The following RHPN1 variants were observed in gnomAD, a reference collection of about 807,000 sequenced individuals.
The protein encoded by RHPN1 is rhophilin Rho GTPase binding protein 1, also known as rhophilin-1.
A neutral mutation model predicts 74.7 loss-of-function variants in RHPN1; 77 were observed. The ratio of observed to expected loss-of-function variants is 1.03; its 90% CI spans 0.86 to 1.25. The LOEUF is 1.25. Among genes scored for constraint, RHPN1 ranks in the 50% most tolerant of loss-of-function variants. RHPN1 has a pLI of 0.00. For synonymous variants in RHPN1, 444 were observed against 414.5 expected (o/e 1.07, Z -0.87); for missense variants, 987 against 932.2 (o/e 1.06, Z -0.77).
At chr8:143,377,149 TG>T (rs1818332401) in intron 3 of RHPN1, among the ~76,000 whole-genome samples, 1 of 152,118 alleles carries the variant, frequency 6.6e-6, no homozygotes, top group Non-Finnish European at 1.5e-5. Context: ...TTTGTGTGTG[TG>T]TGTGCGCGCG....
chr8:143,378,759 C>A lies in RHPN1; in HGVS notation c.523C>A (p.Leu175Met). The change falls in exon 6 of 15, where the codon CTG (leucine) becomes ATG (methionine). Residue 175 changes from leucine to methionine, a missense_variant. Transcript: ENST00000289013. ...LELLTAYYNQLCFLDARFLTP... is the reference protein window; with the variant it reads ...LELLTAYYNQMCFLDARFLTP... ...GCTGCTCACAGCCTATTACAACCAG[C>A]TGTGCTTCCTGGATGCGCGCTTCCT... 6.3e-7 allele frequency: 1 copy of A among 1,582,444 alleles called. No individual in the cohort carries two copies. Among genetic ancestry groups the A allele is most frequent in the East Asian group, 2.3e-5 (1 of 42,976 alleles).
chr8:143,381,391 C>T (rs776457468), intron 12 of RHPN1, 47 bp downstream of exon 12: 2 of 1,542,544 alleles, frequency 1.3e-6, no homozygotes, highest in Non-Finnish European at 1.8e-6. Context: ...GCAGCTTGGG[C>T]TGTGTGGCTC....
chr8:143,382,614 C>G lies in RHPN1; in HGVS notation c.1976C>G (p.Ala659Gly). ...CPQPCAPVKP[A>G]PPSSLKHPGW... The stretch of plus-strand genomic sequence containing the variant: ...CAGCCCTGTGCCCCAGTGAAGCCAG[C>G]TCCGCCCTCATCCTTGAAGCACCCA... The change falls in exon 15 of 15, where the codon GCT becomes GGT. Residue 659 changes from alanine (A) to glycine (G), a missense_variant. Coordinates refer to ENST00000289013, the MANE Select transcript of RHPN1 (RefSeq NM_052924.3). 1 of 1,610,790 alleles carries G rather than the reference C, an allele frequency of 6.2e-7. No homozygotes were observed. The highest frequency in any genetic ancestry group is 8.5e-7 in the Non-Finnish European group (1 of 1,179,726).
In RHPN1 at chr8:143,381,259, C is replaced by T. The variant is rs370052082; in HGVS notation, c.1412-9C>T. ...CTCCCAGCTTAGCTCTGCTCTTACA[C>T]CCTCTCAGCTAAGACCCACCAGAAG... is the stretch of plus-strand genomic sequence containing the variant. On this transcript the variant is annotated splice_polypyrimidine_tract_variant and intron_variant, in intron 11 of 14. Transcript: ENST00000289013. 9 of 1,610,920 alleles carry T rather than the reference C, an allele frequency of 5.6e-6. No individual in the cohort carries two copies. In the African/African-American group the frequency reaches 1.1e-4, roughly 19 times the overall value.
intron 13 of RHPN1, 42 bp downstream of exon 13, chr8:143,381,760 C>T: frequency 1.9e-6 from 3 of 1,605,550 alleles, no homozygotes; most frequent in Non-Finnish European, 2.5e-6. Context: ...TCCTTGGTGC[C>T]AGCCAGGGTG....
intron 1 of RHPN1, 43 bp downstream of exon 1, chr8:143,369,090 C>A: frequency 1.4e-6 from 2 of 1,421,384 alleles, no homozygotes; most frequent in Non-Finnish European, 1.8e-6. Flanking sequence ...GGCCCGGAAT[C>A]CCGGCCTTTT....
At chr8:143,378,158 G>A (rs542444807) in intron 4 of RHPN1, 111 bp from the exon 5 acceptor site, 166 of 917,866 alleles carry the variant, frequency 1.8e-4, no homozygotes, top group Admixed American at 5.8e-4. Context: ...CCTGCTCTGC[G>A]GCACAGACCC....
At chr8:143,375,502 T>C in intron 1 of RHPN1, 51 bp from the exon 2 acceptor site, 1 of 1,340,134 alleles carries the variant, frequency 7.5e-7, no homozygotes, top group Admixed American at 2.4e-5. Context: ...AGGCGCAGCC[T>C]GGTGCGGGCG....
chr8:143,382,718 C>G lies in RHPN1; in HGVS notation c.*67C>G. On this transcript the variant is annotated 3_prime_UTR_variant, in exon 15 of 15. Transcript: ENST00000289013. ...CAGCAAGCACCGAGCATGCCCTCCC[C>G]ACCCAGAGGACCTCCGGGCAATGCC... 2 of 1,374,466 alleles carry G rather than the reference C, an allele frequency of 1.5e-6. No homozygotes were observed. The highest frequency in any genetic ancestry group is 2.0e-6 in the Non-Finnish European group (2 of 1,003,544). The allele number at this position is 1,374,466 out of a possible 1,614,324, so 85.1% of individuals were successfully genotyped here.
chr8:143,375,526 C>T, intron 1 of RHPN1, 27 bp from the exon 2 acceptor site: 17 of 1,528,202 alleles, frequency 1.1e-5, no homozygotes, highest in Non-Finnish European at 1.5e-5. Flanking sequence ...CGGGGTCGGG[C>T]TGTGATCGCC....
intron 11 of RHPN1, 50 bp downstream of exon 11, chr8:143,380,833 G>A (rs1818673738): frequency 2.1e-6 from 3 of 1,424,372 alleles, no homozygotes; most frequent in Non-Finnish European, 2.8e-6. Context: ...CCAGGGTGGG[G>A]GCCTTCGTCC....
chr8:143,377,566 C>T (rs1818366580), intron 4 of RHPN1, 111 bp downstream of exon 4: 3 of 732,858 alleles, frequency 4.1e-6, no homozygotes, highest in Admixed American at 5.6e-5. Flanking sequence ...AAACTGAGGC[C>T]CAGAGGGAGG....
rs768183720 is a variant in RHPN1 at position 143,381,676 on chromosome 8, G to T, written c.1593G>T (p.Ser531=). Residue 531 remains serine (S), a synonymous_variant, in exon 13 of 15, where the codon TCG becomes TCT. Transcript: ENST00000289013. The stretch of plus-strand genomic sequence containing the variant: ...TTGGCCTCACGCTTCGGGGAGACTC[G>T]CCTGTCCTCATCGCTGCCGTCATTC... ...GGFGLTLRGD[S]PVLIAAVIPG... 7.4e-6 allele frequency: 12 copies of T among 1,611,386 alleles called. No individual in the cohort carries two copies. The South Asian group carries it at 1.2e-4, about 16-fold the overall frequency.
At position 143,378,993 on chromosome 8, in the gene RHPN1, C is replaced by T. The variant is rs1349690829; in HGVS notation, c.666C>T (p.Ala222=). The change falls in exon 7 of 15, where the codon GCC becomes GCT. Residue 222 remains alanine, a synonymous_variant. Coordinates refer to ENST00000289013, the MANE Select transcript of RHPN1 (RefSeq NM_052924.3). The part of the protein sequence containing the change: ...EKGSVLFNIG[A]LHTQIGARQD... ...GCAGCGTTCTCTTCAACATCGGTGC[C>T]CTCCACACGCAGATTGGGGCGCGCC... 1 of 1,554,142 alleles carries T rather than the reference C, an allele frequency of 6.4e-7. No homozygotes were observed. The highest frequency in any genetic ancestry group is 2.4e-5 in the East Asian group (1 of 41,032).
Position 143,381,276 on chromosome 8 carries a change from C to A in RHPN1, c.1420C>A (p.His474Asn), listed in dbSNP as rs1019576253. ...AEAPDIQPKTHQKPEARMPRL... is the reference protein window; with the variant it reads ...AEAPDIQPKTNQKPEARMPRL... ...CTCTTACACCCTCTCAGCTAAGACC[C>A]ACCAGAAGCCAGAGGCCAGGATGCC... The change falls in exon 12 of 15, where the codon CAC becomes AAC. Residue 474 changes from histidine to asparagine, a missense_variant. Transcript: ENST00000289013. The A allele has an allele frequency of 5.0e-6, 8 of 1,612,956 alleles. No individual in the cohort carries two copies. Among genetic ancestry groups the A allele is most frequent in the Non-Finnish European group, 6.8e-6 (8 of 1,179,570 alleles).
intron 10 of RHPN1, 69 bp downstream of exon 10, chr8:143,380,244 C>T: frequency 6.5e-6 from 7 of 1,079,720 alleles, no homozygotes; most frequent in Middle Eastern, 2.7e-4. Context: ...TGTCCCCCAC[C>T]ACCCTCATGC....
rs201539682 is a variant in RHPN1, at chr8:143,378,921, G to A, written c.594G>A (p.Ser198=). ...TGACCCAACACTGCAGGTACGACTC[G>A]CTTACTGGGGTCCCGGCCCAGCAGC... ...SLGLFFHWYD[S]LTGVPAQQRA... The change falls in exon 7 of 15, where the codon TCG becomes TCA. Residue 198 remains serine, a synonymous_variant. Coordinates refer to ENST00000289013, the MANE Select transcript of RHPN1 (RefSeq NM_052924.3). 126 of 1,583,828 alleles carry A rather than the reference G, an allele frequency of 8.0e-5. No individual in the cohort carries two copies. In the African/African-American group the frequency reaches 1.3e-3, roughly 17 times the overall value.
chr8:143,378,210 C>A (rs984789228), intron 4 of RHPN1, 59 bp from the exon 5 acceptor site: 53 of 1,424,470 alleles, frequency 3.7e-5, no homozygotes, highest in Non-Finnish European at 4.5e-5. Context: ...GTTGGGAGAC[C>A]TCAGGGAAGG....
In RHPN1 at chr8:143,380,723, T is replaced by G; in HGVS notation, c.1351T>G (p.Tyr451Asp). The change falls in exon 11 of 15, where the codon TAT (tyrosine) becomes GAT (aspartate). Residue 451 changes from tyrosine to aspartate, a missense_variant. Physicochemically the swap from Tyr to Asp is radical, Grantham distance 160. Transcript: ENST00000289013. The stretch of plus-strand genomic sequence containing the variant: ...GACGCTGCAGCGCTCACTGGCCAAG[T>G]ATGCGGAGCTCGACCGTGAGGATGA... Reference protein sequence around the residue: ...SQTLQRSLAKYAELDREDDFC... With the variant: ...SQTLQRSLAKDAELDREDDFC... 6.3e-7 allele frequency: 1 copy of G among 1,595,086 alleles called. No individual in the cohort carries two copies. The highest frequency in any genetic ancestry group is 2.3e-5 in the East Asian group (1 of 43,996).
Sources: gnomAD v4.1 joint callset for allele counts (sites outside exome capture counted in the v4.1 genomes callset) on GRCh38, gnomAD v4.1.1 for gene constraint, MANE v1.5 for transcripts, NCBI Gene and HGNC (gene_info 2026-07-23, HGNC 2026-07-21) for gene names.